Variants in ZNF678 observed in about 807,000 individuals in gnomAD.
The protein encoded by ZNF678 is zinc finger protein 678.
Under a neutral mutation model 3.0 loss-of-function variants are expected in ZNF678, and 5 were observed. That is an observed-to-expected ratio of 1.69 (90% CI 0.88 to 3.56). The LOEUF is 3.56. ZNF678 is among the 30% of genes most tolerant of loss of function. The pLI is 0.00. For missense variants in ZNF678, 593 were observed against 605.0 expected, an observed-to-expected ratio of 0.98 and a Z score of 0.21; for synonymous variants, 218 against 199.6, an observed-to-expected ratio of 1.09 and a Z score of -0.78.
chr1:227,654,981 A>G lies in ZNF678; in HGVS notation c.731A>G (p.Lys244Arg), dbSNP rs760131821. 1 of 1,612,278 alleles carries G rather than the reference A, an allele frequency of 6.2e-7. No homozygotes were observed. The highest frequency in any genetic ancestry group is 8.5e-7 in the Non-Finnish European group (1 of 1,179,374). The change falls in exon 4 of 4, where the codon AAA becomes AGA. Residue 244 changes from lysine (K) to arginine (R), a missense_variant. By Grantham distance (26) the Lys-to-Arg change is conservative. Coordinates refer to ENST00000343776, the MANE Select transcript of ZNF678 (RefSeq NM_001367909.1). ...CCCTACAAATGCAAAGAATGTTGCA[A>G]AGCCTTTAACAAGTTCTCAAACCTT... Reference protein sequence around the residue: ...EKPYKCKECCKAFNKFSNLTQ... With the variant: ...EKPYKCKECCRAFNKFSNLTQ...
At chr1:227,598,783 G>C (rs768609896) in intron 1 of ZNF678, 1 of 539,502 alleles carries the variant, frequency 1.9e-6, no homozygotes, top group Non-Finnish European at 3.5e-6. Flanking sequence ...TGTTTTCCTT[G>C]TTTCTTATCC....
intron 1 of ZNF678, among the ~76,000 whole-genome samples, chr1:227,624,007 C>T (rs1164204293): frequency 6.6e-6 from 1 of 152,124 alleles, no homozygotes; most frequent in African/African-American, 2.4e-5. Flanking sequence ...CAGACACTCC[C>T]ACTTACTTGA....
chr1:227,599,153 C>T, intron 1 of ZNF678: 2 of 1,286,364 alleles, frequency 1.6e-6, no homozygotes, highest in Non-Finnish European at 1.1e-6. Flanking sequence ...CATATTCCTC[C>T]AGTTCTAGAA....
intron 1 of ZNF678, among the ~76,000 whole-genome samples, chr1:227,593,298 C>T (rs1297098198): frequency 6.6e-6 from 1 of 152,206 alleles, no homozygotes; most frequent in Non-Finnish European, 1.5e-5. Context: ...TTTAACCAGG[C>T]ATTTGCATCT....
chr1:227,593,670 A>G (rs997631740), intron 1 of ZNF678, among the ~76,000 whole-genome samples: 4 of 152,198 alleles, frequency 2.6e-5, no homozygotes, highest in African/African-American at 9.7e-5. Context: ...CAATAGTTTG[A>G]GGTGAAATTA....
intron 1 of ZNF678, among the ~76,000 whole-genome samples, chr1:227,590,650 G>T (rs887235527): frequency 2.0e-5 from 3 of 151,766 alleles, no homozygotes; most frequent in Admixed American, 1.3e-4. Flanking sequence ...GTTTTTATGG[G>T]CAGTAGGAAG....
At chr1:227,618,975 T>G (rs1304570652) in intron 1 of ZNF678, among the ~76,000 whole-genome samples, 1 of 152,154 alleles carries the variant, frequency 6.6e-6, no homozygotes, top group Admixed American at 6.5e-5. Flanking sequence ...AGCAAAGACC[T>G]TCTTCACCTG....
rs147365428 is a variant in ZNF678 at position 227,655,460 on chromosome 1, C to A, written c.1210C>A (p.Pro404Thr). 45 of 1,612,392 alleles carry A rather than the reference C, an allele frequency of 2.8e-5. No homozygotes were observed. The highest frequency in any genetic ancestry group is 3.8e-5 in the Non-Finnish European group (45 of 1,179,228). ...TAGGAGAATTCATACTGGAGTGAAA[C>A]CCTACAAATGTGAAGAATGTGGGAA... ...QHRRIHTGVK[P>T]YKCEECGKVF... The change falls in exon 4 of 4, where the codon CCC becomes ACC. Residue 404 changes from proline to threonine, a missense_variant. By Grantham distance (38) the Pro-to-Thr change is conservative. Coordinates refer to ENST00000343776, the MANE Select transcript of ZNF678 (RefSeq NM_001367909.1).
intron 1 of ZNF678, among the ~76,000 whole-genome samples, chr1:227,618,737 G>T (rs6684072): frequency 0.011 from 1,627 of 152,060 alleles, 31 homozygotes; most frequent in African/African-American, 0.038. Flanking sequence ...TTTTGTTTTT[G>T]TTTTTTTGTT....
At chr1:227,622,361 A>T (rs1040637950) in intron 1 of ZNF678, among the ~76,000 whole-genome samples, 1 of 152,180 alleles carries the variant, frequency 6.6e-6, no homozygotes, top group Non-Finnish European at 1.5e-5. Context: ...GGCCAAACCA[A>T]TGCATACTTT....
At chr1:227,588,054 C>T (rs1224142607) in intron 1 of ZNF678, among the ~76,000 whole-genome samples, 3 of 152,078 alleles carry the variant, frequency 2.0e-5, no homozygotes, top group Non-Finnish European at 4.4e-5. Flanking sequence ...CATCAATTAG[C>T]TCCCACTTAT....
rs1274203464 is a variant in ZNF678, at chr1:227,656,156, A to T, written c.*328A>T. On this transcript the variant is annotated 3_prime_UTR_variant, in exon 4 of 4. Transcript: ENST00000343776. Reference sequence around the variant, plus strand: ...TAGAAAACACCAGAGTTTATAGTATAGTAGAATATATTTTACAGATACAGT... The same window carrying T: ...TAGAAAACACCAGAGTTTATAGTATTGTAGAATATATTTTACAGATACAGT... 1 of 173,396 alleles carries T rather than the reference A, an allele frequency of 5.8e-6. No homozygotes were observed. Among genetic ancestry groups the T allele is most frequent in the Non-Finnish European group, 1.2e-5 (1 of 82,082 alleles). The allele number at this position is 173,396 out of a possible 1,614,324, so 10.7% of individuals were successfully genotyped here. A position where few individuals can be genotyped will look rare whatever the true frequency, so the allele number is the denominator to read the frequency against.
At chr1:227,583,077 T>A (rs1657170027) in intron 1 of ZNF678, among the ~76,000 whole-genome samples, 1 of 152,104 alleles carries the variant, frequency 6.6e-6, no homozygotes. Context: ...AAACACTTGT[T>A]TTTATTTATT....
chr1:227,622,716 C>T (rs1439135145), intron 1 of ZNF678, among the ~76,000 whole-genome samples: 2 of 152,174 alleles, frequency 1.3e-5, no homozygotes, highest in South Asian at 2.1e-4. Flanking sequence ...AAGAGAGCCC[C>T]TCCTGCCTCC....
At chr1:227,633,348 C>T (rs1658598168) in intron 1 of ZNF678, among the ~76,000 whole-genome samples, 4 of 152,234 alleles carry the variant, frequency 2.6e-5, no homozygotes, top group Admixed American at 2.6e-4. Context: ...CATTGTCCCT[C>T]TCCCTGTGCT....
At chr1:227,588,169 T>C (rs1283936954) in intron 1 of ZNF678, among the ~76,000 whole-genome samples, 1 of 152,216 alleles carries the variant, frequency 6.6e-6, no homozygotes, top group Non-Finnish European at 1.5e-5. Context: ...ATCTCATTCC[T>C]TTTTATGGCT....
chr1:227,600,449 T>C (rs923819327), intron 1 of ZNF678, among the ~76,000 whole-genome samples: 9 of 152,046 alleles, frequency 5.9e-5, no homozygotes. Context: ...CGTTTTGTTT[T>C]GTTTTGTTAT....
intron 1 of ZNF678, among the ~76,000 whole-genome samples, chr1:227,586,942 C>T (rs992558631): frequency 6.6e-6 from 1 of 152,088 alleles, no homozygotes; most frequent in Non-Finnish European, 1.5e-5. Flanking sequence ...AATGCAAAGC[C>T]CATGGGGGTG....
chr1:227,645,812 G>A (rs1658943024), intron 1 of ZNF678, among the ~76,000 whole-genome samples: 1 of 152,164 alleles, frequency 6.6e-6, no homozygotes, highest in Non-Finnish European at 1.5e-5. Context: ...TTCTGTTACA[G>A]TTGATGTTAA....
Sources: allele counts gnomAD v4.1 joint callset (sites outside exome capture counted in the v4.1 genomes callset), GRCh38; gene constraint gnomAD v4.1.1; transcripts MANE v1.5; gene names NCBI Gene and HGNC (gene_info 2026-07-23, HGNC 2026-07-21).